Variants in F8 observed in about 807,000 individuals in gnomAD.
The protein encoded by F8 is antihemophilic factor.
Under a neutral mutation model 140.6 loss-of-function variants are expected in F8, and 12 were observed. The observed-to-expected ratio is 0.09, with a 90% CI of 0.05 to 0.14. The LOEUF (loss-of-function observed/expected upper bound fraction) is 0.14, where lower values mean the gene tolerates loss of function less well. F8 is among the 10% of genes least tolerant of loss of function. The pLI, the probability that F8 is intolerant of heterozygous loss-of-function variation, is 1.00. For synonymous variants in F8, 585 were observed against 614.6 expected (o/e 0.95, Z 0.71); for missense variants, 1,354 against 1,720.7 (o/e 0.79, Z 3.77).
At chrX:154,878,290 T>A (rs1426407501) in intron 22 of F8, among the ~76,000 whole-genome samples, 3 of 110,446 alleles carry the variant, frequency 2.7e-5, no homozygotes, top group African/African-American at 9.9e-5. Context: ...ATCCCAATAA[T>A]GCAAGACTGG....
At chrX:154,879,563 T>C (rs1557274283) in intron 22 of F8, among the ~76,000 whole-genome samples, 1 of 112,411 alleles carries the variant, frequency 8.9e-6, no homozygotes, top group Non-Finnish European at 1.9e-5. Context: ...AATTTGGCTT[T>C]ACGTTATATG....
At chrX:154,996,021 A>G (rs782354017) in intron 3 of F8, among the ~76,000 whole-genome samples, 7 of 111,324 alleles carry the variant, frequency 6.3e-5, no homozygotes, top group African/African-American at 2.3e-4. Context: ...TTAAAATATT[A>G]TCTCCCCATA....
At chrX:154,841,652 A>G (rs1363730962) in intron 25 of F8, among the ~76,000 whole-genome samples, 2 of 111,050 alleles carry the variant, frequency 1.8e-5, no homozygotes, top group African/African-American at 6.5e-5. Flanking sequence ...TTGTTTCATC[A>G]TATTCAATCC....
intron 22 of F8, among the ~76,000 whole-genome samples, chrX:154,875,510 A>G (rs113460214): frequency 0.035 from 3,915 of 112,027 alleles, 90 homozygotes; most frequent in Non-Finnish European, 0.057. Flanking sequence ...AATATATGCA[A>G]CTTTTGTCAA....
intron 2 of F8, among the ~76,000 whole-genome samples, chrX:154,998,770 G>A (rs1478762720): frequency 2.7e-5 from 3 of 111,871 alleles, no homozygotes; most frequent in Non-Finnish European, 5.6e-5. Flanking sequence ...CAATGGTAGT[G>A]CAGTTAGCTC....
At position 154,929,194 on chromosome X, in the gene F8, C is replaced by T. The variant is rs138827468; in HGVS notation, c.4596G>A (p.Gly1532=). Residue 1532 remains glycine (G), a synonymous_variant, in exon 14 of 26, where the codon GGG becomes GGA. Coordinates refer to ENST00000360256, the MANE Select transcript of F8 (RefSeq NM_000132.4). ...KDLFPTETSN[G]SPGHLDLVEG... ...CCACGAGATCCAGATGGCCAGGAGACCCATTGCTAGTTTCCGTAGGGAATA... is the reference window on the plus strand; with the variant it reads ...CCACGAGATCCAGATGGCCAGGAGATCCATTGCTAGTTTCCGTAGGGAATA... 17 of 1,211,710 alleles carry T rather than the reference C, an allele frequency of 1.4e-5. No homozygotes were observed. Among genetic ancestry groups the T allele is most frequent in the Non-Finnish European group, 1.9e-5 (17 of 895,414 alleles).
chrX:154,853,797 C>T (rs781816602), intron 25 of F8, among the ~76,000 whole-genome samples: 2 of 111,785 alleles, frequency 1.8e-5, no homozygotes, highest in Non-Finnish European at 3.8e-5. Context: ...GCTATGATTT[C>T]AGCTCATTAT....
chrX:154,935,525 C>A (rs1557279151), intron 13 of F8, among the ~76,000 whole-genome samples: 2 of 111,716 alleles, frequency 1.8e-5, no homozygotes, highest in African/African-American at 6.5e-5. Context: ...ACACCATACA[C>A]AAAAATTTAT....
At chrX:154,870,172 G>A (rs988647874) in intron 22 of F8, among the ~76,000 whole-genome samples, 2 of 112,053 alleles carry the variant, frequency 1.8e-5, no homozygotes, top group African/African-American at 6.5e-5. Context: ...TAGAAAAAGA[G>A]GGAATCCTCC....
At chrX:154,922,633 G>A (rs782200351) in intron 14 of F8, among the ~76,000 whole-genome samples, 3 of 112,385 alleles carry the variant, frequency 2.7e-5, no homozygotes, top group Admixed American at 9.4e-5. Flanking sequence ...TTTGAGCAGC[G>A]TCCTGAAGGA....
In F8 at chrX:154,836,092, T is replaced by C. The variant is rs2072472843; in HGVS notation, c.*1505A>G. 8.9e-6 allele frequency: 1 copy of C among 112,408 alleles called. No homozygotes were observed. Among genetic ancestry groups the C allele is most frequent in the South Asian group, 3.7e-4 (1 of 2,706 alleles). The allele number at this position is 112,408 out of a possible 1,213,427, so 9.3% of individuals were successfully genotyped here. A position where few individuals can be genotyped will look rare whatever the true frequency, so the allele number is the denominator to read the frequency against. ...CTGCATCATTTGTGGATTGTGACTA[T>C]ACTGTGACAGCTATGTTATAGTTTC... On this transcript the variant is annotated 3_prime_UTR_variant, in exon 26 of 26. Transcript: ENST00000360256.
chrX:154,937,234 C>A (rs1222777051), intron 13 of F8, among the ~76,000 whole-genome samples: 1 of 110,443 alleles, frequency 9.1e-6, no homozygotes, highest in African/African-American at 3.3e-5. Flanking sequence ...AAATGAAATG[C>A]AAAGCAAAAT....
At chrX:155,014,573 A>G (rs1296279226) in intron 1 of F8, among the ~76,000 whole-genome samples, 1 of 112,782 alleles carries the variant, frequency 8.9e-6, no homozygotes, top group Non-Finnish European at 1.9e-5. Flanking sequence ...ATGCAAATTA[A>G]CAAGATTAGA....
chrX:154,876,370 C>T (rs1454719782), intron 22 of F8, among the ~76,000 whole-genome samples: 1 of 110,773 alleles, frequency 9.0e-6, no homozygotes, highest in South Asian at 3.9e-4. Context: ...CCGCCCACCT[C>T]GGCCTCCCAA....
intron 6 of F8, among the ~76,000 whole-genome samples, chrX:154,976,184 C>T (rs1255955773): frequency 8.9e-6 from 1 of 112,307 alleles, no homozygotes; most frequent in Non-Finnish European, 1.9e-5. Context: ...CATGAGCCAC[C>T]ACGTCTGGCT....
intron 14 of F8, among the ~76,000 whole-genome samples, chrX:154,926,859 A>G (rs1479874277): frequency 8.9e-6 from 1 of 112,046 alleles, no homozygotes; most frequent in Non-Finnish European, 1.9e-5. Flanking sequence ...GATAGATAGT[A>G]CTTAAAATCA....
intron 10 of F8, among the ~76,000 whole-genome samples, chrX:154,958,082 G>A (rs782438936): frequency 9.0e-6 from 1 of 110,958 alleles, no homozygotes; most frequent in Admixed American, 9.6e-5. Flanking sequence ...TGTTCTCTGT[G>A]TGGGAGGTGC....
At chrX:154,914,316 G>A (rs1225683892) in intron 14 of F8, among the ~76,000 whole-genome samples, 7 of 112,689 alleles carry the variant, frequency 6.2e-5, no homozygotes, top group African/African-American at 2.3e-4. Context: ...TCTCTAACAT[G>A]CCCTGGACAC....
chrX:154,885,415 CT>C, intron 22 of F8: 1 of 719,683 alleles, frequency 1.4e-6, no homozygotes, highest in Non-Finnish European at 1.9e-6. Context: ...CACCCGGCCC[CT>C]GGGACCTGAC....
Sources: allele counts gnomAD v4.1 joint callset (sites outside exome capture counted in the v4.1 genomes callset), GRCh38; gene constraint gnomAD v4.1.1; transcripts MANE v1.5; gene names NCBI Gene and HGNC (gene_info 2026-07-23, HGNC 2026-07-21).